The following NPAS3 variants were observed in gnomAD, a reference collection of about 807,000 sequenced individuals.
The protein encoded by NPAS3 is neuronal PAS domain protein 3, also known as neuronal PAS domain-containing protein 3.
NPAS3 carries 14 observed loss-of-function variants against 73.1 expected under a neutral mutation model. That is an observed-to-expected ratio of 0.19 (90% CI 0.13 to 0.30). The LOEUF (loss-of-function observed/expected upper bound fraction) is 0.30. NPAS3 is among the 10% of genes least tolerant of loss of function. The pLI is 1.00. For synonymous variants in NPAS3, 620 were observed against 541.5 expected (o/e 1.14, Z -2.01); for missense variants, 1,096 against 1,250.0 (o/e 0.88, Z 1.86).
chr14:32,939,114 G>GGCC (rs536218835), upstream of NPAS3: 1,464 of 149,236 alleles, frequency 9.8e-3, 34 homozygotes, highest in African/African-American at 0.034. Flanking sequence ...TCAGCAGCAC[G>GGCC]GCCGCCGCCG....
chr14:33,199,547 C>T (rs1186146804), intron 2 of NPAS3, among the ~76,000 whole-genome samples: 1 of 152,114 alleles, frequency 6.6e-6, no homozygotes, highest in Non-Finnish European at 1.5e-5. Flanking sequence ...ACTAGTACCA[C>T]CTCCAGAGTG....
At chr14:33,679,490 G>C (rs939362159) in intron 6 of NPAS3, among the ~76,000 whole-genome samples, 60 of 136,830 alleles carry the variant, frequency 4.4e-4, no homozygotes, top group Admixed American at 3.4e-3. Flanking sequence ...CTAACATGAA[G>C]GAACATTTTT....
intron 2 of NPAS3, among the ~76,000 whole-genome samples, chr14:33,065,388 T>A (rs1437902950): frequency 6.6e-6 from 1 of 152,196 alleles, no homozygotes; most frequent in Admixed American, 6.5e-5. Context: ...TTATGTCTGC[T>A]GCATTATCCT....
intron 4 of NPAS3, among the ~76,000 whole-genome samples, chr14:33,419,964 T>C (rs952123729): frequency 6.6e-6 from 1 of 151,970 alleles, no homozygotes; most frequent in African/African-American, 2.4e-5. Flanking sequence ...GTTACTTTTT[T>C]TGAACAGTGA....
At chr14:33,747,106 A>C (rs372534137) in intron 7 of NPAS3, among the ~76,000 whole-genome samples, 1 of 152,020 alleles carries the variant, frequency 6.6e-6, no homozygotes, top group Non-Finnish European at 1.5e-5. Context: ...CCAAATGACT[A>C]TAAATCATGC....
intron 1 of NPAS3, among the ~76,000 whole-genome samples, chr14:32,944,558 C>A (rs1005047840): frequency 5.3e-5 from 8 of 152,106 alleles, no homozygotes; most frequent in African/African-American, 1.9e-4. Context: ...TAAATAGTGG[C>A]CTTTTTTCCC....
chr14:33,272,162 A>G (rs2041121042), intron 3 of NPAS3, among the ~76,000 whole-genome samples: 1 of 152,152 alleles, frequency 6.6e-6, no homozygotes, highest in Non-Finnish European at 1.5e-5. Context: ...TCAGCATCTT[A>G]GGCAAATCAT....
At chr14:33,181,253 G>A (rs2045788762) in intron 2 of NPAS3, among the ~76,000 whole-genome samples, 1 of 152,194 alleles carries the variant, frequency 6.6e-6, no homozygotes, top group African/African-American at 2.4e-5. Flanking sequence ...TATATTTGTG[G>A]AAGGAAAAGA....
chr14:33,207,050 A>T (rs1269395357), intron 2 of NPAS3, among the ~76,000 whole-genome samples: 1 of 152,160 alleles, frequency 6.6e-6, no homozygotes, highest in Non-Finnish European at 1.5e-5. Flanking sequence ...CGTGATCCTG[A>T]ATCTCTTTCT....
intron 7 of NPAS3, among the ~76,000 whole-genome samples, chr14:33,743,142 A>T (rs751758238): frequency 1.1e-4 from 16 of 152,214 alleles, no homozygotes; most frequent in Non-Finnish European, 2.1e-4. Flanking sequence ...TTGAATGGTG[A>T]ATGCTTTCCA....
chr14:33,344,201 G>C (rs765518609), intron 3 of NPAS3, among the ~76,000 whole-genome samples: 1 of 152,062 alleles, frequency 6.6e-6, no homozygotes, highest in African/African-American at 2.4e-5. Flanking sequence ...CAACAAACTT[G>C]GTTTCTTTTG....
chr14:33,284,821 C>G (rs1245011356), intron 3 of NPAS3, among the ~76,000 whole-genome samples: 1 of 150,654 alleles, frequency 6.6e-6, no homozygotes, highest in Admixed American at 6.6e-5. Flanking sequence ...TCTATATAAT[C>G]TTCTCAACAT....
chr14:33,408,971 G>A (rs1164238789), intron 4 of NPAS3, among the ~76,000 whole-genome samples: 1 of 152,150 alleles, frequency 6.6e-6, no homozygotes, highest in African/African-American at 2.4e-5. Flanking sequence ...GGACACAAAT[G>A]CTTAAGCAAT....
chr14:33,254,058 C>T (rs1452334667), intron 3 of NPAS3, among the ~76,000 whole-genome samples: 2 of 152,092 alleles, frequency 1.3e-5, no homozygotes, highest in African/African-American at 2.4e-5. Flanking sequence ...TCTCCATCCT[C>T]ATCCTCTCTG....
At chr14:33,521,561 A>T (rs2053557992) in intron 4 of NPAS3, among the ~76,000 whole-genome samples, 1 of 151,740 alleles carries the variant, frequency 6.6e-6, no homozygotes, top group Non-Finnish European at 1.5e-5. Flanking sequence ...AAGAATTAAA[A>T]ATGTGACTCT....
At chr14:33,484,348 G>T (rs2051476430) in intron 4 of NPAS3, among the ~76,000 whole-genome samples, 1 of 152,096 alleles carries the variant, frequency 6.6e-6, no homozygotes, top group Non-Finnish European at 1.5e-5. Flanking sequence ...AATATTTACT[G>T]AGCATTAAGT....
At chr14:33,258,557 A>C (rs1341103153) in intron 3 of NPAS3, among the ~76,000 whole-genome samples, 1 of 152,172 alleles carries the variant, frequency 6.6e-6, no homozygotes, top group Non-Finnish European at 1.5e-5. Context: ...TGGAAAGCTG[A>C]AGAAAAGAAT....
At chr14:33,520,206 A>G (rs974942398) in intron 4 of NPAS3, among the ~76,000 whole-genome samples, 1 of 152,144 alleles carries the variant, frequency 6.6e-6, no homozygotes, top group Non-Finnish European at 1.5e-5. Context: ...CTTGCCCTCA[A>G]GAAGGAGTGA....
chr14:33,462,368 C>G (rs2050311652), intron 4 of NPAS3, among the ~76,000 whole-genome samples: 1 of 152,202 alleles, frequency 6.6e-6, no homozygotes, highest in South Asian at 2.1e-4. Context: ...ATTGAACTCT[C>G]TGCCCCTTTG....
Sources: gnomAD v4.1 joint callset for allele counts (sites outside exome capture counted in the v4.1 genomes callset) on GRCh38, gnomAD v4.1.1 for gene constraint, MANE v1.5 for transcripts, NCBI Gene and HGNC (gene_info 2026-07-23, HGNC 2026-07-21) for gene names.